MNX1: variants seen among roughly 807,000 people sequenced by gnomAD.
MNX1 encodes motor neuron and pancreas homeobox protein 1.
In MNX1, 2 loss-of-function variants were observed where a neutral mutation model predicts 17.3. The observed-to-expected ratio is 0.12, with a 90% confidence interval of 0.05 to 0.36. The LOEUF is 0.36. MNX1 is among the 10% of genes least tolerant of loss of function. MNX1 has a pLI of 1.00. For missense variants in MNX1, 556 were observed against 564.7 expected, an observed-to-expected ratio of 0.98 and a Z score of 0.16; for synonymous variants, 306 against 283.1, an observed-to-expected ratio of 1.08 and a Z score of -0.81.
Position 157,009,978 on chromosome 7 carries a change from C to CGGCGGT in MNX1, c.372_373insACCGCC (p.Ala124_Ala125insThrAla), listed in dbSNP as rs1175404096. On this transcript the variant is annotated inframe_insertion, in exon 1 of 3. Transcript: ENST00000252971. ...GCGGCGGCGGCGGCGGCGGCGGCGGCAGCGGCCGCTGCGCCCGGATGCGCG... is the reference window on the plus strand; with the variant it reads ...GCGGCGGCGGCGGCGGCGGCGGCGGCGGCGGTAGCGGCCGCTGCGCCCGGATGCGCG... 3 of 982,148 alleles carry CGGCGGT rather than the reference C, an allele frequency of 3.1e-6. No individual in the cohort carries two copies. Among genetic ancestry groups the CGGCGGT allele is most frequent in the Admixed American group, 6.4e-5 (1 of 15,624 alleles). 60.8% of individuals were successfully genotyped at this position (982,148 alleles called of 1,614,324 possible). A position where few individuals can be genotyped will look rare whatever the true frequency, so the allele number is the denominator to read the frequency against.
intron 2 of MNX1, 73 bp from the exon 3 acceptor site, chr7:157,005,946 C>T: frequency 1.3e-6 from 2 of 1,567,160 alleles, no homozygotes; most frequent in Non-Finnish European, 1.7e-6. Context: ...GTCCCCCGGC[C>T]GCGTGCGCCT....
intron 1 of MNX1, chr7:157,007,273 AAAG>A (rs1397018118): frequency 1.3e-5 from 2 of 152,122 alleles, no homozygotes; most frequent in Middle Eastern, 3.3e-3. Context: ...TTAAGACAGA[AAAG>A]GAGGAGGAGG....
chr7:157,006,435 C>A lies in MNX1; in HGVS notation c.852+44G>T, dbSNP rs749447577. On this transcript the variant is annotated intron_variant, in intron 2 of 2. Coordinates refer to ENST00000252971, the MANE Select transcript of MNX1 (RefSeq NM_005515.4). The surrounding 1 kb of genome is among the most constrained non-coding windows in gnomAD (Gnocchi z 6.3). ...GTCACAAGTGCAAAGGTAACAGTGTCCCCTGGGAGGCCGGGATGCGTCGGG... is the reference window on the plus strand; with the variant it reads ...GTCACAAGTGCAAAGGTAACAGTGTACCCTGGGAGGCCGGGATGCGTCGGG... The A allele has an allele frequency of 1.3e-6, 2 of 1,592,102 alleles. No individual in the cohort carries two copies. Among genetic ancestry groups the A allele is most frequent in the Admixed American group, 1.7e-5 (1 of 58,060 alleles).
intron 1 of MNX1, chr7:157,007,575 GCGCAGGCAGGATCCGGTT>G: frequency 6.6e-6 from 1 of 152,358 alleles, no homozygotes; most frequent in Non-Finnish European, 1.5e-5. Flanking sequence ...ACAGGCAGAG[GCGCAGGCAGGATCCGGTT>G]CTCTGTGTGT....
Position 157,006,677 on chromosome 7 carries a change from C to T in MNX1, c.692-38G>A, listed in dbSNP as rs377698895. On this transcript the variant is annotated intron_variant, in intron 1 of 2. Transcript: ENST00000252971. The surrounding 1 kb of genome is among the most constrained non-coding windows in gnomAD (Gnocchi z 6.3). ...GGGCAGTGAGGCCCACAGCCGGCTCCGGTCCTCGCCCCAGCCCCTCCCGTT... is the reference window on the plus strand; with the variant it reads ...GGGCAGTGAGGCCCACAGCCGGCTCTGGTCCTCGCCCCAGCCCCTCCCGTT... 2,895 of 1,535,964 alleles carry T rather than the reference C, an allele frequency of 1.9e-3. 5 individuals are homozygous for T. The highest frequency in any genetic ancestry group is 2.4e-3 in the Non-Finnish European group (2,725 of 1,141,480).
chr7:157,009,701 GA>G lies in MNX1; in HGVS notation c.649del (p.Ser217ProfsTer5). On this transcript the variant is annotated frameshift_variant, in exon 1 of 3. Transcript: ENST00000252971. LOFTEE classifies it high-confidence loss of function. ...TFQLDQWLRA[S>X]TAGMILPKMP... ...CTTAGGCAGGATCATGCCCGCGGTG[GA>G]CGCGCGCAGCCACTGGTCCAGCTGG... 6.2e-7 allele frequency: 1 copy of G among 1,608,622 alleles called. No individual in the cohort carries two copies. Among genetic ancestry groups the G allele is most frequent in the South Asian group, 1.1e-5 (1 of 90,884 alleles).
In MNX1 at chr7:157,010,335, T is replaced by G. The variant is rs1805692302; in HGVS notation, c.16A>C (p.Asn6His). ...GCCAGCAGGGCGTCGATGCGGAAATTTTTGGATTTTTCCATCGGCTCGTTT... is the reference window on the plus strand; with the variant it reads ...GCCAGCAGGGCGTCGATGCGGAAATGTTTGGATTTTTCCATCGGCTCGTTT... The part of the protein sequence containing the change: MEKSK[N>H]FRIDALLAVD... The change falls in exon 1 of 3, where the codon AAT becomes CAT. Residue 6 changes from asparagine (N) to histidine (H), a missense_variant. By Grantham distance (68) the Asn-to-His change is moderately conservative. Coordinates refer to ENST00000252971, the MANE Select transcript of MNX1 (RefSeq NM_005515.4). 2 of 1,581,478 alleles carry G rather than the reference T, an allele frequency of 1.3e-6. No homozygotes were observed. The highest frequency in any genetic ancestry group is 1.7e-6 in the Non-Finnish European group (2 of 1,164,354).
rs747331456 is a variant in MNX1 at position 157,006,321 on chromosome 7, A to G, written c.852+158T>C. ...TCTTGGGCCCCACCCGAAGCTACTG[A>G]ATCGGCGCTCTGGGCACCTTAGATG... On this transcript the variant is annotated intron_variant, in intron 2 of 2. Transcript: ENST00000252971. The surrounding 1 kb of genome is among the most constrained non-coding windows in gnomAD (Gnocchi z 6.3). The G allele has an allele frequency of 2.7e-6, 2 of 751,024 alleles. No individual in the cohort carries two copies. Among genetic ancestry groups the G allele is most frequent in the Non-Finnish European group, 4.2e-6 (2 of 473,690 alleles). The allele number at this position is 751,024 out of a possible 1,614,324, so 46.5% of individuals were successfully genotyped here.
chr7:157,007,953 C>T (rs1259475037), intron 1 of MNX1: 1 of 152,250 alleles, frequency 6.6e-6, no homozygotes, highest in Non-Finnish European at 1.5e-5. Flanking sequence ...ATTAAAGAAA[C>T]CAAACAGGTT....
At chr7:157,007,487 CT>C (rs1422824487) in intron 1 of MNX1, 2 of 152,338 alleles carry the variant, frequency 1.3e-5, no homozygotes, top group Non-Finnish European at 2.9e-5. Flanking sequence ...GGCATGCCCC[CT>C]CCTCAGGGTG....
At chr7:157,008,848 A>C in intron 1 of MNX1, 1 of 748,964 alleles carries the variant, frequency 1.3e-6, no homozygotes, top group South Asian at 1.8e-5. Flanking sequence ...CCCAGCCCGG[A>C]GAGTCCGCGT....
rs954237452 is a variant in MNX1, at chr7:157,006,792, C to T, written c.692-153G>A. 1 of 732,830 alleles carries T rather than the reference C, an allele frequency of 1.4e-6. No individual in the cohort carries two copies. The highest frequency in any genetic ancestry group is 2.1e-6 in the Non-Finnish European group (1 of 465,822). 45.4% of individuals were successfully genotyped at this position (732,830 alleles called of 1,614,324 possible). A position where few individuals can be genotyped will look rare whatever the true frequency, so the allele number is the denominator to read the frequency against. On this transcript the variant is annotated intron_variant, in intron 1 of 2. Coordinates refer to ENST00000252971, the MANE Select transcript of MNX1 (RefSeq NM_005515.4). This position sits in a 1 kb window ranked among gnomAD's most constrained non-coding sequence, Gnocchi z 6.3. ...TTCCCTCACTATCAGTGCCCACTCC[C>T]CAAGGAATGCGGACTCAGGACCACC...
In MNX1 at chr7:157,005,479, G is replaced by A. The variant is rs1431636656; in HGVS notation, c.*41C>T. The A allele has an allele frequency of 3.2e-6, 4 of 1,244,894 alleles. No individual in the cohort carries two copies. The highest frequency in any genetic ancestry group is 4.0e-6 in the Non-Finnish European group (4 of 996,166). The allele number at this position is 1,244,894 out of a possible 1,614,324, so 77.1% of individuals were successfully genotyped here. A position where few individuals can be genotyped will look rare whatever the true frequency, so the allele number is the denominator to read the frequency against. On this transcript the variant is annotated 3_prime_UTR_variant, in exon 3 of 3. Transcript: ENST00000252971. ...GGCCTCCGGGAGAAGCCGCCGGCCG[G>A]GGCGCTCCGTGCGCGCCGCACCTGC...
chr7:157,005,513 G>A lies in MNX1; in HGVS notation c.*7C>T. ...GTGCGCGCCGCACCTGCTGGGCCGC[G>A]GGGCTCCTACTGGGGCGCGGGCTGG... On this transcript the variant is annotated 3_prime_UTR_variant, in exon 3 of 3. Coordinates refer to ENST00000252971, the MANE Select transcript of MNX1 (RefSeq NM_005515.4). The A allele has an allele frequency of 6.9e-7, 1 of 1,445,426 alleles. No individual in the cohort carries two copies. The allele number at this position is 1,445,426 out of a possible 1,614,324, so 89.5% of individuals were successfully genotyped here. A position where few individuals can be genotyped will look rare whatever the true frequency, so the allele number is the denominator to read the frequency against.
chr7:157,009,131 G>A (rs546261338), intron 1 of MNX1: 1 of 1,530,718 alleles, frequency 6.5e-7, no homozygotes, highest in African/African-American at 1.4e-5. Flanking sequence ...CAGCGCCCTG[G>A]TAAGAGCCGG....
rs762661434 is a variant in MNX1 at position 157,005,742 on chromosome 7, C to G, written c.984G>C (p.Pro328=). ...GGAGKGGAEE[P]GAEELLGPPA... ...GCGGCCCCAGCAGCTCCTCGGCTCC[C>G]GGCTCCTCCGCGCCGCCCTTCCCCG... Residue 328 remains proline (P), a synonymous_variant, in exon 3 of 3, where the codon CCG becomes CCC. Transcript: ENST00000252971. 2.3e-5 allele frequency: 37 copies of G among 1,609,096 alleles called. No individual in the cohort carries two copies. The highest frequency in any genetic ancestry group is 3.0e-5 in the Non-Finnish European group (35 of 1,179,258).
chr7:157,006,463 CG>C lies in MNX1; in HGVS notation c.852+15del. On this transcript the variant is annotated intron_variant, in intron 2 of 2. Coordinates refer to ENST00000252971, the MANE Select transcript of MNX1 (RefSeq NM_005515.4). The surrounding 1 kb of genome is among the most constrained non-coding windows in gnomAD (Gnocchi z 6.3). ...CTGGGAGGCCGGGATGCGTCGGGGG[CG>C]GGGAGGGCGCGCACCTGGGTCTCGG... The C allele has an allele frequency of 6.2e-7, 1 of 1,606,016 alleles. No homozygotes were observed.
rs1018710046 is a variant in MNX1, at chr7:157,005,345, C to T, written c.*175G>A. 1.7e-5 allele frequency: 3 copies of T among 172,892 alleles called. No individual in the cohort carries two copies. The highest frequency in any genetic ancestry group is 1.7e-5 in the Non-Finnish European group (2 of 119,930). 10.7% of individuals were successfully genotyped at this position (172,892 alleles called of 1,614,324 possible). A position where few individuals can be genotyped will look rare whatever the true frequency, so the allele number is the denominator to read the frequency against. On this transcript the variant is annotated 3_prime_UTR_variant, in exon 3 of 3. Coordinates refer to ENST00000252971, the MANE Select transcript of MNX1 (RefSeq NM_005515.4). The stretch of plus-strand genomic sequence containing the variant: ...CGCCCTTGCTTAAAAGGGAAGCGCC[C>T]AGGACCGGAGCCGCGGCCGAATCCC...
chr7:157,010,407 G>A lies in MNX1; in HGVS notation c.-57C>T. ...GTGGCGGGCGACGCGGCCGTGTGCG[G>A]GCTCGCGGAGTCAGTGCGTGCGGTG... is the stretch of plus-strand genomic sequence containing the variant. On this transcript the variant is annotated 5_prime_UTR_variant, in exon 1 of 3. Coordinates refer to ENST00000252971, the MANE Select transcript of MNX1 (RefSeq NM_005515.4). 5 of 1,444,652 alleles carry A rather than the reference G, an allele frequency of 3.5e-6. No homozygotes were observed. In the South Asian group the frequency reaches 3.7e-5, roughly 11 times the overall value. 89.5% of individuals were successfully genotyped at this position (1,444,652 alleles called of 1,614,324 possible).
Sources: allele counts gnomAD v4.1 joint callset, GRCh38; gene constraint gnomAD v4.1.1; non-coding constraint Gnocchi (gnomAD v3.1); transcripts MANE v1.5; gene names NCBI Gene and HGNC (gene_info 2026-07-23, HGNC 2026-07-21).